The following PRICKLE2 variants were observed in gnomAD, a reference collection of about 807,000 sequenced individuals.
PRICKLE2 encodes the protein prickle planar cell polarity protein 2.
In PRICKLE2, 21 loss-of-function variants were observed where a neutral mutation model predicts 81.4. That is an observed-to-expected ratio of 0.26 (90% CI 0.18 to 0.37). The LOEUF (loss-of-function observed/expected upper bound fraction) is 0.37, where lower values mean the gene tolerates loss of function less well. PRICKLE2 is among the 10% of genes least tolerant of loss of function. The pLI is 1.00. For synonymous variants in PRICKLE2, 456 were observed against 421.5 expected (o/e 1.08, Z -1.00); for missense variants, 940 against 1,109.0 (o/e 0.85, Z 2.16).
At chr3:64,211,422 GA>G (rs1462275907) in intron 1 of PRICKLE2, among the ~76,000 whole-genome samples, 1 of 152,190 alleles carries the variant, frequency 6.6e-6, no homozygotes, top group Non-Finnish European at 1.5e-5. Flanking sequence ...GAGTTCTTGT[GA>G]AAAAGATATT....
At chr3:64,141,446 A>T (rs753230720) in intron 7 of PRICKLE2, among the ~76,000 whole-genome samples, 7 of 152,208 alleles carry the variant, frequency 4.6e-5, no homozygotes, top group Non-Finnish European at 8.8e-5. Flanking sequence ...GTCCATATAA[A>T]CACTCAATAA....
intron 7 of PRICKLE2, among the ~76,000 whole-genome samples, chr3:64,125,617 C>G (rs1559524168): frequency 6.7e-6 from 1 of 148,248 alleles, no homozygotes. Flanking sequence ...CTCAGAGGAT[C>G]AACAGCACTT....
chr3:64,191,860 G>A (rs1019444507), intron 2 of PRICKLE2, among the ~76,000 whole-genome samples: 16 of 152,144 alleles, frequency 1.1e-4, no homozygotes, highest in African/African-American at 3.4e-4. Flanking sequence ...CTGGGCTCCC[G>A]AGATTCGGAT....
intron 2 of PRICKLE2, among the ~76,000 whole-genome samples, chr3:64,192,469 T>A (rs2078360826): frequency 6.6e-6 from 1 of 152,222 alleles, no homozygotes; most frequent in Non-Finnish European, 1.5e-5. Context: ...GGACCTAATC[T>A]TGTATTAGGG....
chr3:64,163,402 C>T (rs936635398), intron 2 of PRICKLE2: 1 of 498,922 alleles, frequency 2.0e-6, no homozygotes, highest in East Asian at 3.8e-5. Context: ...GAGAATTCAG[C>T]AGACATGCTG....
chr3:64,131,217 C>T (rs565649485), intron 7 of PRICKLE2, among the ~76,000 whole-genome samples: 9 of 152,174 alleles, frequency 5.9e-5, no homozygotes, highest in Non-Finnish European at 1.0e-4. Flanking sequence ...GGACAATATT[C>T]CATATGATTT....
At chr3:64,199,061 T>C (rs1433573687) in intron 1 of PRICKLE2, 94 bp from the exon 2 acceptor site, 3 of 1,164,820 alleles carry the variant, frequency 2.6e-6, no homozygotes, top group Non-Finnish European at 2.5e-6. Flanking sequence ...TCCCAAACCA[T>C]AAACACATTC....
At chr3:64,265,014 G>T (rs767063751) in intron 2 of PRICKLE2, among the ~76,000 whole-genome samples, 1 of 152,164 alleles carries the variant, frequency 6.6e-6, no homozygotes, top group African/African-American at 2.4e-5. Context: ...CAGTACCTGC[G>T]TCTGTTCCCT....
At chr3:64,146,660 G>T in intron 7 of PRICKLE2, 170 bp downstream of exon 7, 1 of 679,832 alleles carries the variant, frequency 1.5e-6, no homozygotes, top group Non-Finnish European at 2.5e-6. Context: ...GGAGAATGGC[G>T]TGAACCCGGG....
chr3:64,118,097 T>C (rs2076966260), intron 7 of PRICKLE2, among the ~76,000 whole-genome samples: 1 of 152,076 alleles, frequency 6.6e-6, no homozygotes. Context: ...AAACAAGTAA[T>C]GGGGAAAGGA....
At chr3:64,181,451 C>A (rs2078132149) in intron 2 of PRICKLE2, among the ~76,000 whole-genome samples, 2 of 152,306 alleles carry the variant, frequency 1.3e-5, no homozygotes, top group South Asian at 4.1e-4. Flanking sequence ...GGTTAGCCAA[C>A]AACATTGCCT....
intron 7 of PRICKLE2, among the ~76,000 whole-genome samples, chr3:64,112,994 G>T (rs1217096206): frequency 1.3e-5 from 2 of 152,134 alleles, no homozygotes; most frequent in Non-Finnish European, 2.9e-5. Flanking sequence ...CCCTGCATGG[G>T]CTACCCTGCA....
chr3:64,246,369 T>C (rs1009667351), intron 2 of PRICKLE2, among the ~76,000 whole-genome samples: 4 of 152,178 alleles, frequency 2.6e-5, no homozygotes, highest in Non-Finnish European at 4.4e-5. Context: ...GCCCTGAAGT[T>C]GGAAAAAACT....
Position 64,163,091 on chromosome 3 carries a change from G to A in PRICKLE2, c.183C>T (p.Val61=), listed in dbSNP as rs747102163. The change falls in exon 3 of 8, where the codon GTC becomes GTT. Residue 61 remains valine, a synonymous_variant. Transcript: ENST00000638394. ...QYYSCLPEEK[V]PYVNSPGEKL... Reference sequence around the variant, plus strand: ...TCTCTCCAGGACTGTTGACATAAGGGACTTTCTCTTCTGGGAGACAGCTAT... The same window carrying A: ...TCTCTCCAGGACTGTTGACATAAGGAACTTTCTCTTCTGGGAGACAGCTAT... 5.6e-6 allele frequency: 9 copies of A among 1,613,750 alleles called. No homozygotes were observed. The South Asian group carries it at 9.9e-5, about 18-fold the overall frequency.
At chr3:64,175,583 A>C (rs153737) in intron 2 of PRICKLE2, among the ~76,000 whole-genome samples, 64,515 of 151,994 alleles carry the variant, frequency 0.42, 14,301 homozygotes, top group African/African-American at 0.55. Context: ...ACAAAGATCA[A>C]AGCTTTAAGT....
intron 2 of PRICKLE2, among the ~76,000 whole-genome samples, chr3:64,237,059 C>T (rs697296): frequency 0.47 from 71,111 of 151,866 alleles, 18,828 homozygotes; most frequent in East Asian, 0.69. Flanking sequence ...ATGGGGAGCA[C>T]GCAGGTGAGT....
chr3:64,172,410 TA>T (rs2077947708), intron 2 of PRICKLE2, among the ~76,000 whole-genome samples: 1 of 152,238 alleles, frequency 6.6e-6, no homozygotes, highest in Admixed American at 6.5e-5. Flanking sequence ...CAGTTTCTTA[TA>T]GGGGTAACTT....
chr3:64,120,848 C>T (rs950428412), intron 7 of PRICKLE2, among the ~76,000 whole-genome samples: 1 of 152,190 alleles, frequency 6.6e-6, no homozygotes, highest in African/African-American at 2.4e-5. Context: ...AGAGAAAGCA[C>T]GGCTTTGCAC....
intron 7 of PRICKLE2, among the ~76,000 whole-genome samples, chr3:64,135,000 C>T (rs1156514796): frequency 5.3e-5 from 8 of 152,180 alleles, no homozygotes; most frequent in Non-Finnish European, 1.2e-4. Flanking sequence ...GTATGAGCTG[C>T]TCACTCCTAG....
Sources: gnomAD v4.1 joint callset for allele counts (sites outside exome capture counted in the v4.1 genomes callset) on GRCh38, gnomAD v4.1.1 for gene constraint, MANE v1.5 for transcripts, NCBI Gene and HGNC (gene_info 2026-07-23, HGNC 2026-07-21) for gene names.